ATP2B2: variants seen among roughly 807,000 people sequenced by gnomAD.
ATP2B2 encodes the protein plasma membrane calcium-transporting ATPase 2.
ATP2B2 carries 15 observed loss-of-function variants against 120.0 expected under a neutral mutation model. The ratio of observed to expected loss-of-function variants is 0.12; its 90% CI spans 0.08 to 0.19. ATP2B2 has a LOEUF of 0.19. Ranked by LOEUF, ATP2B2 falls within the 10% of genes least tolerant of loss-of-function variation. The pLI, the probability that ATP2B2 is intolerant of heterozygous loss-of-function variation, is 1.00. For missense variants in ATP2B2, 1,045 were observed against 1,719.8 expected, an observed-to-expected ratio of 0.61 and a Z score of 6.94; for synonymous variants, 694 against 700.3, an observed-to-expected ratio of 0.99 and a Z score of 0.14.
intron 2 of ATP2B2, among the ~76,000 whole-genome samples, chr3:10,586,180 C>T (rs150836078): frequency 6.0e-4 from 91 of 152,306 alleles, no homozygotes; most frequent in Middle Eastern, 3.4e-3. Flanking sequence ...TATGTCCTTG[C>T]TCTGTCATGA....
chr3:10,408,071 A>G (rs1429833177), intron 3 of ATP2B2, among the ~76,000 whole-genome samples: 5 of 152,228 alleles, frequency 3.3e-5, no homozygotes, highest in Non-Finnish European at 7.3e-5. Flanking sequence ...AAAACTCACT[A>G]GCACCATAGC....
At chr3:10,691,697 A>G (rs557400124) in intron 1 of ATP2B2, among the ~76,000 whole-genome samples, 1 of 152,342 alleles carries the variant, frequency 6.6e-6, no homozygotes, top group East Asian at 1.9e-4. Flanking sequence ...ACACAGGTCT[A>G]TTTCCACAAC....
In ATP2B2 at chr3:10,657,843, C is replaced by T. The variant is rs139799714; in HGVS notation, c.-459-37882G>A. 3.0e-4 allele frequency among the ~76,000 whole-genome samples: 46 copies of T among 152,358 alleles called. 1 individual carries two copies. The East Asian group carries it at 8.3e-3, about 27-fold the overall frequency. Reference sequence around the variant, plus strand: ...CCCAAGGAGCCTAACTGGGAGGCACCTGCTAGTAGGGGCAGACTGACACCT... The same window carrying T: ...CCCAAGGAGCCTAACTGGGAGGCACTTGCTAGTAGGGGCAGACTGACACCT... On this transcript the variant is annotated intron_variant, in intron 1 of 21. Transcript: ENST00000646379.
At chr3:10,624,460 G>A (rs1235483834) in intron 1 of ATP2B2, among the ~76,000 whole-genome samples, 1 of 152,164 alleles carries the variant, frequency 6.6e-6, no homozygotes, top group Non-Finnish European at 1.5e-5. Flanking sequence ...GTGGCCATAC[G>A]CTCTTGAAGG....
At chr3:10,409,872 A>G (rs990431149) in intron 3 of ATP2B2, among the ~76,000 whole-genome samples, 3 of 152,348 alleles carry the variant, frequency 2.0e-5, no homozygotes, top group Admixed American at 1.3e-4. Context: ...TTGAATCACA[A>G]TGAATCACAA....
Position 10,402,614 on chromosome 3 carries a change from C to T in ATP2B2, c.398-266G>A, listed in dbSNP as rs937595940. Among the ~76,000 whole-genome samples the T allele has an allele frequency of 1.5e-4, 23 of 152,230 alleles. No individual in the cohort carries two copies. The highest frequency in any genetic ancestry group is 5.5e-4 in the African/African-American group (23 of 41,454). On this transcript the variant is annotated intron_variant, in intron 3 of 22. Transcript: ENST00000360273. This position sits in a 1 kb window ranked among gnomAD's most constrained non-coding sequence, Gnocchi z 4.9. Reference sequence around the variant, plus strand: ...GGTGACTTGCCCAAGCAATGAAGGGCAAGTAGGAAGCTGGAATGTGAACCC... The same window carrying T: ...GGTGACTTGCCCAAGCAATGAAGGGTAAGTAGGAAGCTGGAATGTGAACCC...
rs1198831575 is a variant in ATP2B2, at chr3:10,326,696, A to G, written c.*2118T>C. On this transcript the variant is annotated 3_prime_UTR_variant, in exon 23 of 23. Coordinates refer to ENST00000360273, the MANE Select transcript of ATP2B2 (RefSeq NM_001001331.4). The stretch of plus-strand genomic sequence containing the variant: ...TGGTTATGCAGTTCCTCTCCTGGAT[A>G]CATTCAGAGATACTTCTTCACGACA... 5.0e-6 allele frequency: 2 copies of G among 398,950 alleles called. No homozygotes were observed. Among genetic ancestry groups the G allele is most frequent in the African/African-American group, 4.1e-5 (2 of 48,626 alleles). The allele number at this position is 398,950 out of a possible 1,614,324, so 24.7% of individuals were successfully genotyped here. A position where few individuals can be genotyped will look rare whatever the true frequency, so the allele number is the denominator to read the frequency against.
chr3:10,385,382 A>G, intron 7 of ATP2B2, 55 bp from the exon 8 acceptor site: 1 of 1,507,712 alleles, frequency 6.6e-7, no homozygotes, highest in African/African-American at 1.4e-5. Flanking sequence ...GAAAAGCAAC[A>G]ACGACAAAGA....
At chr3:10,446,901 C>G (rs758672686) in intron 2 of ATP2B2, among the ~76,000 whole-genome samples, 2 of 152,234 alleles carry the variant, frequency 1.3e-5, no homozygotes, top group African/African-American at 2.4e-5. Flanking sequence ...AAACAGAGTT[C>G]TTTACTTTTC....
chr3:10,376,583 C>T (rs753610740), intron 10 of ATP2B2, among the ~76,000 whole-genome samples: 1 of 152,222 alleles, frequency 6.6e-6, no homozygotes, highest in Non-Finnish European at 1.5e-5. Flanking sequence ...CATCCCCCAT[C>T]TGCTACAGGT....
At chr3:10,696,639 C>T (rs2071745953) in intron 1 of ATP2B2, among the ~76,000 whole-genome samples, 1 of 152,244 alleles carries the variant, frequency 6.6e-6, no homozygotes, top group Non-Finnish European at 1.5e-5. Context: ...AAAGGCAGCC[C>T]TGACACCCCC....
chr3:10,693,107 T>A (rs1268831566), intron 1 of ATP2B2, among the ~76,000 whole-genome samples: 1 of 152,190 alleles, frequency 6.6e-6, no homozygotes, highest in Non-Finnish European at 1.5e-5. Context: ...ACACACTGTA[T>A]CGCAAAACAC....
rs1691642156 is a variant in ATP2B2, at chr3:10,500,210, T to C, written c.-320+5255A>G. Among the ~76,000 whole-genome samples, 4 of 151,954 alleles carry C rather than the reference T, an allele frequency of 2.6e-5. 1 individual carries two copies. The South Asian group carries it at 8.3e-4, about 32-fold the overall frequency. On this transcript the variant is annotated intron_variant, in intron 1 of 22. Transcript: ENST00000360273. ...GTCTTGGCGTCCCAAAGTGCTTGGATTACAGGTATGAGCCACTGCGCCTGG... is the reference window on the plus strand; with the variant it reads ...GTCTTGGCGTCCCAAAGTGCTTGGACTACAGGTATGAGCCACTGCGCCTGG...
chr3:10,617,143 C>T (rs1261001893), intron 2 of ATP2B2, among the ~76,000 whole-genome samples: 1 of 152,232 alleles, frequency 6.6e-6, no homozygotes, highest in Non-Finnish European at 1.5e-5. Flanking sequence ...TGCTGTGATA[C>T]ACATCGTTGT....
intron 3 of ATP2B2, among the ~76,000 whole-genome samples, chr3:10,514,398 A>T (rs1291774686): frequency 6.6e-6 from 1 of 152,148 alleles, no homozygotes; most frequent in East Asian, 1.9e-4. Context: ...CCTTAGACCC[A>T]CAAGGGTGTC....
At chr3:10,437,184 C>T (rs986559492) in intron 2 of ATP2B2, among the ~76,000 whole-genome samples, 2 of 152,022 alleles carry the variant, frequency 1.3e-5, no homozygotes, top group African/African-American at 4.8e-5. Flanking sequence ...TGCCAGATGG[C>T]TGTGTGAGGC....
At chr3:10,610,676 A>G (rs141949881) in intron 2 of ATP2B2, among the ~76,000 whole-genome samples, 29 of 152,180 alleles carry the variant, frequency 1.9e-4, no homozygotes, top group African/African-American at 5.5e-4. Flanking sequence ...CCAAATCCAC[A>G]TATCTTCCTG....
intron 2 of ATP2B2, among the ~76,000 whole-genome samples, chr3:10,579,205 T>C (rs981539491): frequency 6.6e-6 from 1 of 152,182 alleles, no homozygotes; most frequent in Admixed American, 6.5e-5. Flanking sequence ...TAAAGATAAG[T>C]TGAAGTTTTG....
chr3:10,498,976 C>G (rs1371377957), intron 1 of ATP2B2, among the ~76,000 whole-genome samples: 1 of 152,206 alleles, frequency 6.6e-6, no homozygotes, highest in Non-Finnish European at 1.5e-5. Context: ...ACCTACCCAT[C>G]ATCTCGTGGC....
Sources: allele counts gnomAD v4.1 joint callset (sites outside exome capture counted in the v4.1 genomes callset), GRCh38; gene constraint gnomAD v4.1.1; non-coding constraint Gnocchi (gnomAD v3.1); transcripts MANE v1.5; gene names NCBI Gene and HGNC (gene_info 2026-07-23, HGNC 2026-07-21).